The following OXNAD1 variants were observed in gnomAD, a reference collection of about 807,000 sequenced individuals.
The protein encoded by OXNAD1 is oxidoreductase NAD-binding domain-containing protein 1.
Under a neutral mutation model 32.9 loss-of-function variants are expected in OXNAD1, and 34 were observed. That is an observed-to-expected ratio of 1.03 (90% CI 0.79 to 1.38). OXNAD1 has a LOEUF of 1.38. Ranked by LOEUF, OXNAD1 falls within the 40% of genes most tolerant of loss-of-function variation. The pLI, the probability that OXNAD1 is intolerant of heterozygous loss-of-function variation, is 0.00. For missense variants in OXNAD1, 407 were observed against 379.4 expected, an observed-to-expected ratio of 1.07 and a Z score of -0.60; for synonymous variants, 134 against 135.2, an observed-to-expected ratio of 0.99 and a Z score of 0.06.
downstream of OXNAD1, among the ~76,000 whole-genome samples, chr3:16,350,715 G>T (rs1259371029): frequency 6.6e-6 from 1 of 152,152 alleles, no homozygotes; most frequent in East Asian, 1.9e-4. Context: ...GGAGGGGTTT[G>T]GGTGTTGATT....
Position 16,289,078 on chromosome 3 carries a change from CAGT to C in OXNAD1, c.290+2635_290+2637del, listed in dbSNP as rs1267833397. On this transcript the variant is annotated intron_variant, in intron 5 of 8. Transcript: ENST00000285083. This position sits in a 1 kb window ranked among gnomAD's most constrained non-coding sequence, Gnocchi z 4.9. ...AGTTCTCATATCTTCAAAGAGGGAGCAGTAGTATTCCTACGTTTTGGGATATTT... is the reference window on the plus strand; with the variant it reads ...AGTTCTCATATCTTCAAAGAGGGAGCAGTATTCCTACGTTTTGGGATATTT... Among the ~76,000 whole-genome samples the C allele has an allele frequency of 6.6e-6, 1 of 152,228 alleles. No homozygotes were observed. The highest frequency in any genetic ancestry group is 1.5e-5 in the Non-Finnish European group (1 of 68,046).
chr3:16,311,352 C>G (rs938894896), intron 9 of OXNAD1, among the ~76,000 whole-genome samples: 1 of 152,010 alleles, frequency 6.6e-6, no homozygotes, highest in Non-Finnish European at 1.5e-5. Flanking sequence ...CATGCCACCA[C>G]GCCTAATTTT....
In OXNAD1 at chr3:16,345,829, T is replaced by TGTGC. The variant is rs758493435; in HGVS notation, c.*31-3346_*31-3345insTGCG. On this transcript the variant is annotated intron_variant, in intron 9 of 9. Transcript: ENST00000606098. The surrounding 1 kb of genome is among the most constrained non-coding windows in gnomAD (Gnocchi z 5.2). ...GTGTGTGTGTGTGTGCGCGCGCGCG[T>TGTGC]GCGCGCACGCGCACATGTGCATGTG... 2.8e-3 allele frequency among the ~76,000 whole-genome samples: 195 copies of TGTGC among 69,862 alleles called. No individual in the cohort carries two copies. The highest frequency in any genetic ancestry group is 0.024 in the Middle Eastern group (3 of 124). 45.8% of individuals were successfully genotyped at this position (69,862 alleles called of 152,430 possible). A position where few individuals can be genotyped will look rare whatever the true frequency, so the allele number is the denominator to read the frequency against.
At chr3:16,319,913 C>T (rs2068849388) in intron 9 of OXNAD1, among the ~76,000 whole-genome samples, 1 of 152,062 alleles carries the variant, frequency 6.6e-6, no homozygotes, top group Admixed American at 6.6e-5. Flanking sequence ...TGAGTAGGAC[C>T]GGGGGAGTCT....
rs973281229 is a variant in OXNAD1 at position 16,321,204 on chromosome 3, G to A, written c.*31-15908G>A. Among the ~76,000 whole-genome samples the A allele has an allele frequency of 6.6e-6, 1 of 152,176 alleles. No homozygotes were observed. The highest frequency in any genetic ancestry group is 2.4e-5 in the African/African-American group (1 of 41,432). The stretch of plus-strand genomic sequence containing the variant: ...CAGTCATAGGTTTCCTCGAGCCACA[G>A]GATGGATGGAGCTGGAGTCTTGGGG... On this transcript the variant is annotated intron_variant, in intron 9 of 9. Coordinates refer to the OXNAD1 transcript ENST00000435829. This position sits in a 1 kb window ranked among gnomAD's most constrained non-coding sequence, Gnocchi z 4.8.
chr3:16,292,673 T>A (rs1471849980), intron 5 of OXNAD1, among the ~76,000 whole-genome samples: 1 of 152,250 alleles, frequency 6.6e-6, no homozygotes, highest in African/African-American at 2.4e-5. Flanking sequence ...CATTTAAGTT[T>A]CTGCTCTGTT....
intron 9 of OXNAD1, among the ~76,000 whole-genome samples, chr3:16,331,858 A>G (rs562995401): frequency 6.6e-6 from 1 of 152,328 alleles, no homozygotes; most frequent in East Asian, 1.9e-4. Flanking sequence ...GCATTTCTAA[A>G]AATGCCTTTG....
intron 9 of OXNAD1, among the ~76,000 whole-genome samples, chr3:16,347,360 C>T (rs762542522): frequency 2.8e-4 from 43 of 152,354 alleles, no homozygotes; most frequent in Non-Finnish European, 5.6e-4. Context: ...AAATTTCTCA[C>T]AGTTCTGGAA....
intron 5 of OXNAD1, among the ~76,000 whole-genome samples, chr3:16,294,075 A>C (rs960786779): frequency 6.6e-6 from 1 of 152,178 alleles, no homozygotes. Context: ...GTATGAGGGT[A>C]ATACTGGCCT....
intron 5 of OXNAD1, among the ~76,000 whole-genome samples, chr3:16,293,383 A>G (rs1248290301): frequency 6.6e-6 from 1 of 152,186 alleles, no homozygotes; most frequent in African/African-American, 2.4e-5. Context: ...GTATCCTGCA[A>G]ACTTATTTGA....
chr3:16,351,713 A>T (rs779812363), downstream of OXNAD1, among the ~76,000 whole-genome samples: 3 of 152,204 alleles, frequency 2.0e-5, no homozygotes, highest in Non-Finnish European at 4.4e-5. The surrounding 1 kb of genome is among the most constrained non-coding windows in gnomAD (Gnocchi z 5.4). Flanking sequence ...TCCTAATTAC[A>T]TGTCTTAATT....
At chr3:16,296,282 A>T (rs988815869) in intron 6 of OXNAD1, among the ~76,000 whole-genome samples, 4 of 152,198 alleles carry the variant, frequency 2.6e-5, no homozygotes, top group African/African-American at 9.7e-5. Flanking sequence ...AATAGTCCAA[A>T]AAAAAGCACA....
rs571612243 is a variant in OXNAD1 at position 16,348,429 on chromosome 3, G to T, written c.*31-747G>T. 6.6e-6 allele frequency among the ~76,000 whole-genome samples: 1 copy of T among 152,246 alleles called. No individual in the cohort carries two copies. Among genetic ancestry groups the T allele is most frequent in the African/African-American group, 2.4e-5 (1 of 41,552 alleles). On this transcript the variant is annotated intron_variant, in intron 9 of 9. Coordinates refer to the OXNAD1 transcript ENST00000606098. The surrounding 1 kb of genome is among the most constrained non-coding windows in gnomAD (Gnocchi z 6.3). ...TCTGCTCCTGTCACTTCCCACAGCA[G>T]GAAGCCCCCACACTCAATTCCCTTA...
intron 4 of OXNAD1, among the ~76,000 whole-genome samples, chr3:16,272,529 TA>T (rs2065021631): frequency 6.6e-6 from 1 of 152,142 alleles, no homozygotes. Flanking sequence ...TATCTATTAA[TA>T]GAAGGATACA....
rs762939325 is a variant in OXNAD1 at position 16,344,698 on chromosome 3, A to C, written c.*31-4478A>C. Among the ~76,000 whole-genome samples the C allele has an allele frequency of 6.6e-6, 1 of 152,192 alleles. No individual in the cohort carries two copies. Among genetic ancestry groups the C allele is most frequent in the Non-Finnish European group, 1.5e-5 (1 of 68,046 alleles). On this transcript the variant is annotated intron_variant, in intron 9 of 9. Coordinates refer to the OXNAD1 transcript ENST00000606098. The surrounding 1 kb of genome is among the most constrained non-coding windows in gnomAD (Gnocchi z 4.4). ...ACAGGATGGCATCAGAAAGCTCATGAAGACAGACCTCCTCCCAATGAAAGC... is the reference window on the plus strand; with the variant it reads ...ACAGGATGGCATCAGAAAGCTCATGCAGACAGACCTCCTCCCAATGAAAGC...
chr3:16,272,921 G>A (rs2065056624), intron 4 of OXNAD1, among the ~76,000 whole-genome samples: 1 of 152,124 alleles, frequency 6.6e-6, no homozygotes, highest in Non-Finnish European at 1.5e-5. Flanking sequence ...TAGAGCAGAG[G>A]TTGAAAATCT....
intron 5 of OXNAD1, among the ~76,000 whole-genome samples, chr3:16,293,596 ACTTTCAGC>A (rs1469006142): frequency 6.6e-5 from 10 of 152,094 alleles, no homozygotes; most frequent in African/African-American, 2.4e-4. Context: ...TAGGGGGGAA[ACTTTCAGC>A]CTTTCACCAT....
chr3:16,293,167 C>T (rs796068356), intron 5 of OXNAD1, among the ~76,000 whole-genome samples: 60 of 152,288 alleles, frequency 3.9e-4, no homozygotes, highest in African/African-American at 1.4e-3. Flanking sequence ...ATGGAATATG[C>T]TTCCATTTAC....
rs1051031697 is a variant in OXNAD1, at chr3:16,305,643, A to G, written c.*2081A>G. On this transcript the variant is annotated 3_prime_UTR_variant, in exon 9 of 9. Coordinates refer to ENST00000285083, the MANE Select transcript of OXNAD1 (RefSeq NM_138381.5). The surrounding 1 kb of genome is among the most constrained non-coding windows in gnomAD (Gnocchi z 4.5). Reference sequence around the variant, plus strand: ...CTTGGAATTCATAGTGCGGTGGCTCAGAGTATAGGCTCGAAAGCCCTTGAG... The same window carrying G: ...CTTGGAATTCATAGTGCGGTGGCTCGGAGTATAGGCTCGAAAGCCCTTGAG... 7 of 152,274 alleles carry G rather than the reference A, an allele frequency of 4.6e-5. No homozygotes were observed. The highest frequency in any genetic ancestry group is 4.6e-4 in the Admixed American group (7 of 15,284). 9.4% of individuals were successfully genotyped at this position (152,274 alleles called of 1,614,324 possible). A position where few individuals can be genotyped will look rare whatever the true frequency, so the allele number is the denominator to read the frequency against.
Sources: gnomAD v4.1 joint callset for allele counts (sites outside exome capture counted in the v4.1 genomes callset) on GRCh38, gnomAD v4.1.1 for gene constraint, Gnocchi (gnomAD v3.1) non-coding constraint, MANE v1.5 for transcripts, NCBI Gene and HGNC (gene_info 2026-07-23, HGNC 2026-07-21) for gene names.